Variants in IGSF5 observed in about 807,000 individuals in gnomAD.
The protein encoded by IGSF5 is immunoglobulin superfamily 5 like.
A neutral mutation model predicts 39.4 loss-of-function variants in IGSF5; 41 were observed. The observed-to-expected ratio is 1.04, with a 90% CI of 0.81 to 1.35. The LOEUF is 1.35. Among genes scored for constraint, IGSF5 ranks in the 40% most tolerant of loss-of-function variants. IGSF5 has a pLI of 0.00. For synonymous variants in IGSF5, 183 were observed against 175.3 expected (o/e 1.04, Z -0.34); for missense variants, 487 against 494.6 (o/e 0.98, Z 0.15).
chr21:39,771,576 A>G (rs954886259), intron 4 of IGSF5, among the ~76,000 whole-genome samples: 1 of 152,202 alleles, frequency 6.6e-6, no homozygotes, highest in Non-Finnish European at 1.5e-5. Flanking sequence ...GCCAGTATGA[A>G]GCAGGTCTTC....
At chr21:39,775,278 C>T (rs754426197) in intron 4 of IGSF5, among the ~76,000 whole-genome samples, 1 of 152,192 alleles carries the variant, frequency 6.6e-6, no homozygotes, top group Non-Finnish European at 1.5e-5. Context: ...GGGCAAATTA[C>T]TTACCCTCTC....
At chr21:39,796,748 T>C (rs2086998203) in intron 8 of IGSF5, among the ~76,000 whole-genome samples, 1 of 152,186 alleles carries the variant, frequency 6.6e-6, no homozygotes, top group Non-Finnish European at 1.5e-5. Flanking sequence ...GAAGCTCAGG[T>C]CCTGAAAAGC....
chr21:39,730,279 A>G, the IGSF5 span: 1 of 151,988 alleles, frequency 6.6e-6, no homozygotes, highest in East Asian at 1.9e-4. Flanking sequence ...CTGAGTCCAA[A>G]TTGCCCCTTT....
At position 39,770,907 on chromosome 21, in the gene IGSF5, C is replaced by T. The variant is rs767553513; in HGVS notation, c.419-9C>T. ...TGTCTTCAATGTGTTTCTCTCTTTTCTTCTTTAGTTATGGGAGAGCTGTTC... is the reference window on the plus strand; with the variant it reads ...TGTCTTCAATGTGTTTCTCTCTTTTTTTCTTTAGTTATGGGAGAGCTGTTC... On this transcript the variant is annotated splice_polypyrimidine_tract_variant and intron_variant, in intron 3 of 8. Transcript: ENST00000380588. 3.4e-6 allele frequency: 5 copies of T among 1,469,140 alleles called. No individual in the cohort carries two copies. In the South Asian group the frequency reaches 6.2e-5, roughly 18 times the overall value. 91.0% of individuals were successfully genotyped at this position (1,469,140 alleles called of 1,614,324 possible). A position where few individuals can be genotyped will look rare whatever the true frequency, so the allele number is the denominator to read the frequency against.
intron 2 of IGSF5, 94 bp downstream of exon 2, chr21:39,746,392 C>T (rs1242463593): frequency 8.1e-6 from 5 of 618,260 alleles, no homozygotes; most frequent in Non-Finnish European, 1.5e-5. Context: ...AAACAGAGCT[C>T]CCATACAAAG....
the IGSF5 span, among the ~76,000 whole-genome samples, chr21:39,732,149 C>G: frequency 6.6e-6 from 1 of 152,156 alleles, no homozygotes; most frequent in East Asian, 1.9e-4. Context: ...ATCCTATAGC[C>G]CCAGCTGATC....
chr21:39,720,609 C>T, the IGSF5 span, among the ~76,000 whole-genome samples: 1 of 152,074 alleles, frequency 6.6e-6, no homozygotes, highest in Admixed American at 6.5e-5. Flanking sequence ...GAAGTTACAG[C>T]CAAGTAGAGC....
chr21:39,746,767 C>G (rs374533912), intron 2 of IGSF5, among the ~76,000 whole-genome samples: 22 of 152,316 alleles, frequency 1.4e-4, no homozygotes, highest in African/African-American at 5.3e-4. Context: ...ACTGTCAGGG[C>G]TCTCAGAGTT....
At chr21:39,748,979 T>A (rs150190366) in intron 2 of IGSF5, among the ~76,000 whole-genome samples, 30 of 152,270 alleles carry the variant, frequency 2.0e-4, no homozygotes, top group African/African-American at 6.3e-4. Context: ...ACTTTTCTGC[T>A]ATCTTCTTAG....
At chr21:39,774,542 C>A (rs1246278251) in intron 4 of IGSF5, among the ~76,000 whole-genome samples, 1 of 152,164 alleles carries the variant, frequency 6.6e-6, no homozygotes, top group Non-Finnish European at 1.5e-5. Flanking sequence ...GGCTGACATT[C>A]ATTTCAGATC....
the IGSF5 span, among the ~76,000 whole-genome samples, chr21:39,714,607 C>T: frequency 6.6e-6 from 1 of 152,204 alleles, no homozygotes; most frequent in Non-Finnish European, 1.5e-5. Context: ...CCAGGCTCTC[C>T]CACAGCTTCT....
Position 39,764,323 on chromosome 21 carries a change from A to G in IGSF5, c.101-1212A>G, listed in dbSNP as rs984146317. On this transcript the variant is annotated intron_variant, in intron 2 of 8. Coordinates refer to ENST00000380588, the MANE Select transcript of IGSF5 (RefSeq NM_001080444.2). ...CCTCCCCAGAAACCTTTAGGGCTAT[A>G]ATGAGATTCTTTTAGAACCTGCCTT... 6.6e-5 allele frequency among the ~76,000 whole-genome samples: 10 copies of G among 152,228 alleles called. No individual in the cohort carries two copies. The South Asian group carries it at 2.1e-3, about 32-fold the overall frequency.
In IGSF5 at chr21:39,779,161, T is replaced by C. The variant is rs536847797; in HGVS notation, c.790T>C (p.Trp264Arg). 13 of 1,614,138 alleles carry C rather than the reference T, an allele frequency of 8.1e-6. 1 individual carries two copies. Among genetic ancestry groups the C allele is most frequent in the African/African-American group, 5.3e-5 (4 of 75,038 alleles). The change falls in exon 5 of 9, where the codon TGG (tryptophan) becomes CGG (arginine). Residue 264 changes from tryptophan (W) to arginine (R), a missense_variant. By Grantham distance (101) the Trp-to-Arg change is moderately radical. Coordinates refer to ENST00000380588, the MANE Select transcript of IGSF5 (RefSeq NM_001080444.2). Reference protein sequence around the residue: ...LPSLGFSLPTWGKVGLGLAGT... With the variant: ...LPSLGFSLPTRGKVGLGLAGT... The stretch of plus-strand genomic sequence containing the variant: ...GAGTTTAGGTTTTTCATTGCCTACT[T>C]GGGGCAAAGTTGGACTTGGACTAGC...
At chr21:39,728,612 G>A in the IGSF5 span, among the ~76,000 whole-genome samples, 10 of 152,174 alleles carry the variant, frequency 6.6e-5, no homozygotes, top group South Asian at 1.9e-3. Flanking sequence ...TTCCTCTCTC[G>A]TGCTCCCGGG....
chr21:39,788,967 A>G (rs1352151387), intron 6 of IGSF5, among the ~76,000 whole-genome samples: 8 of 152,208 alleles, frequency 5.3e-5, no homozygotes, highest in Admixed American at 1.3e-4. Context: ...GACAATCACC[A>G]TGTGGCAAAG....
chr21:39,792,348 G>A (rs575868817), intron 7 of IGSF5, among the ~76,000 whole-genome samples: 1 of 152,080 alleles, frequency 6.6e-6, no homozygotes, highest in South Asian at 2.1e-4. Flanking sequence ...AAAAAACTTT[G>A]TTTTTTTCCA....
At chr21:39,732,444 G>A in the IGSF5 span, among the ~76,000 whole-genome samples, 1 of 152,156 alleles carries the variant, frequency 6.6e-6, no homozygotes, top group Non-Finnish European at 1.5e-5. Flanking sequence ...GTTCTAACCT[G>A]CTTTCTTCAT....
chr21:39,734,406 G>C, the IGSF5 span, among the ~76,000 whole-genome samples: 2 of 135,904 alleles, frequency 1.5e-5, no homozygotes, highest in South Asian at 4.7e-4. Flanking sequence ...CTGGGTGACA[G>C]AGCAAGACTC....
intron 6 of IGSF5, 169 bp from the exon 7 acceptor site, chr21:39,791,839 G>A (rs1007887299): frequency 1.0e-5 from 6 of 576,274 alleles, no homozygotes; most frequent in South Asian, 5.0e-5. Context: ...GTAGGCAGGC[G>A]TGCATACCTG....
Sources: allele counts gnomAD v4.1 joint callset (sites outside exome capture counted in the v4.1 genomes callset), GRCh38; gene constraint gnomAD v4.1.1; transcripts MANE v1.5; gene names NCBI Gene and HGNC (gene_info 2026-07-23, HGNC 2026-07-21).